TENM2: variants seen among roughly 807,000 people sequenced by gnomAD.
TENM2 encodes the protein teneurin-2.
TENM2 carries 52 observed loss-of-function variants against 245.2 expected under a neutral mutation model. The observed-to-expected ratio is 0.21, with a 90% CI of 0.17 to 0.27. The LOEUF (loss-of-function observed/expected upper bound fraction) is 0.27. Ranked by LOEUF, TENM2 falls within the 10% of genes least tolerant of loss-of-function variation. The pLI, the probability that TENM2 is intolerant of heterozygous loss-of-function variation, is 1.00. For missense variants in TENM2, 3,046 were observed against 3,666.8 expected (o/e 0.83, Z 4.37); for synonymous variants, 1,363 against 1,438.9 (o/e 0.95, Z 1.19).
At chr5:167,048,281 A>C in the TENM2 span, among the ~76,000 whole-genome samples, 5 of 152,282 alleles carry the variant, frequency 3.3e-5, no homozygotes, top group Admixed American at 2.0e-4. Context: ...ATTCTTTATT[A>C]TTCTCCGTAT....
intron 2 of TENM2, among the ~76,000 whole-genome samples, chr5:167,405,442 A>T (rs192696284): frequency 7.2e-4 from 109 of 152,204 alleles, no homozygotes; most frequent in African/African-American, 2.5e-3. Flanking sequence ...CCTTGGCCCA[A>T]TGTGAGGATA....
intron 12 of TENM2, among the ~76,000 whole-genome samples, chr5:168,147,674 C>T (rs1756221388): frequency 6.6e-6 from 1 of 152,176 alleles, no homozygotes; most frequent in South Asian, 2.1e-4. Flanking sequence ...ATTTTTGGTT[C>T]TGCGCTGTAT....
At chr5:167,179,895 A>G in the TENM2 span, among the ~76,000 whole-genome samples, 1 of 152,166 alleles carries the variant, frequency 6.6e-6, no homozygotes, top group African/African-American at 2.4e-5. Flanking sequence ...ATAAAGAAGA[A>G]CTTCCTTCCT....
chr5:167,462,181 A>ATCC (rs1766341507), intron 2 of TENM2, among the ~76,000 whole-genome samples: 1 of 75,022 alleles, frequency 1.3e-5, no homozygotes, highest in Non-Finnish European at 2.7e-5. Context: ...CCTGACCCCC[A>ATCC]CCCCCCCCCC....
chr5:167,885,723 G>A (rs1046754087), intron 3 of TENM2, among the ~76,000 whole-genome samples: 1 of 152,130 alleles, frequency 6.6e-6, no homozygotes, highest in African/African-American at 2.4e-5. Context: ...TCGCTCTGTT[G>A]GCCAGGCTAG....
intron 1 of TENM2, among the ~76,000 whole-genome samples, chr5:167,371,350 T>C (rs1445494315): frequency 4.5e-5 from 6 of 131,974 alleles, no homozygotes; most frequent in African/African-American, 1.7e-4. Flanking sequence ...TTTTTTTTTC[T>C]TTCTTTTCTT....
chr5:167,312,584 G>A (rs1208245580), intron 1 of TENM2, among the ~76,000 whole-genome samples: 1 of 151,906 alleles, frequency 6.6e-6, no homozygotes, highest in South Asian at 2.1e-4. Flanking sequence ...GCTGTATCAT[G>A]ATATGAGAAA....
At chr5:167,819,816 T>C (rs544773550) in intron 2 of TENM2, among the ~76,000 whole-genome samples, 1 of 152,308 alleles carries the variant, frequency 6.6e-6, no homozygotes, top group South Asian at 2.1e-4. Context: ...TGGCTAAATC[T>C]GTGGTCTTCC....
At chr5:167,236,679 A>C in the TENM2 span, among the ~76,000 whole-genome samples, 1 of 152,232 alleles carries the variant, frequency 6.6e-6, no homozygotes, top group South Asian at 2.1e-4. Flanking sequence ...GGGAATGTGC[A>C]TAAGGTGAGG....
intron 3 of TENM2, among the ~76,000 whole-genome samples, chr5:167,939,595 G>T (rs1031378827): frequency 2.6e-5 from 4 of 152,182 alleles, no homozygotes; most frequent in Admixed American, 1.3e-4. Context: ...GTTGATGTTA[G>T]CTCCAATGTC....
intron 3 of TENM2, among the ~76,000 whole-genome samples, chr5:167,923,028 A>T (rs982916907): frequency 2.0e-5 from 3 of 152,134 alleles, no homozygotes; most frequent in African/African-American, 7.2e-5. Context: ...TTATACTCTA[A>T]TCGAGGCCAT....
chr5:167,549,665 A>G (rs1332558810), intron 2 of TENM2, among the ~76,000 whole-genome samples: 1 of 152,182 alleles, frequency 6.6e-6, no homozygotes, highest in Non-Finnish European at 1.5e-5. Flanking sequence ...TGTACCATAG[A>G]TTTAAAAAAA....
At chr5:168,021,491 T>G (rs1268222112) in intron 5 of TENM2, among the ~76,000 whole-genome samples, 3 of 152,262 alleles carry the variant, frequency 2.0e-5, no homozygotes, top group Admixed American at 2.0e-4. Context: ...AGCCTTCCTT[T>G]CCTTGCGTGT....
chr5:168,210,269 A>G (rs4976539), intron 19 of TENM2, among the ~76,000 whole-genome samples: 53,639 of 151,998 alleles, frequency 0.35, 12,909 homozygotes, highest in African/African-American at 0.67. Flanking sequence ...ACTCTCCAAC[A>G]ACTTGATCCT....
At chr5:168,024,146 A>G (rs1200764686) in intron 5 of TENM2, among the ~76,000 whole-genome samples, 1 of 152,118 alleles carries the variant, frequency 6.6e-6, no homozygotes, top group African/African-American at 2.4e-5. Context: ...ATCATACCCC[A>G]TGCATGAGTT....
At chr5:167,168,046 T>C in the TENM2 span, among the ~76,000 whole-genome samples, 6,884 of 152,246 alleles carry the variant, frequency 0.045, 529 homozygotes, top group African/African-American at 0.16. Flanking sequence ...ACTGAAACAG[T>C]CTTAATCAGG....
chr5:167,937,523 G>A (rs1183581013), intron 3 of TENM2, among the ~76,000 whole-genome samples: 1 of 152,112 alleles, frequency 6.6e-6, no homozygotes, highest in Non-Finnish European at 1.5e-5. Context: ...AATGTGGTTA[G>A]CTTTCATGAA....
intron 7 of TENM2, among the ~76,000 whole-genome samples, chr5:168,072,074 G>A (rs190372949): frequency 7.2e-5 from 11 of 152,274 alleles, no homozygotes; most frequent in Non-Finnish European, 1.5e-5. Flanking sequence ...TTGGTGATAT[G>A]TTTGATATAT....
At chr5:168,030,862 G>A (rs1427896059) in intron 5 of TENM2, among the ~76,000 whole-genome samples, 1 of 152,182 alleles carries the variant, frequency 6.6e-6, no homozygotes, top group Non-Finnish European at 1.5e-5. Flanking sequence ...ACATACAGGA[G>A]GGGATTAAAG....
Sources: gnomAD v4.1 joint callset for allele counts (sites outside exome capture counted in the v4.1 genomes callset) on GRCh38, gnomAD v4.1.1 for gene constraint, MANE v1.5 for transcripts, NCBI Gene and HGNC (gene_info 2026-07-23, HGNC 2026-07-21) for gene names.